GRAMD4: variants seen among roughly 807,000 people sequenced by gnomAD.
The protein encoded by GRAMD4 is GRAM domain containing 4.
In GRAMD4, 25 loss-of-function variants were observed where a neutral mutation model predicts 83.9. The observed-to-expected ratio is 0.30, with a 90% CI of 0.22 to 0.42. The LOEUF (loss-of-function observed/expected upper bound fraction) is 0.42. Ranked by LOEUF, GRAMD4 falls within the 10% of genes least tolerant of loss-of-function variation. GRAMD4 has a pLI of 1.00. For missense variants in GRAMD4, 593 were observed against 788.7 expected, an observed-to-expected ratio of 0.75 and a Z score of 2.97; for synonymous variants, 336 against 320.9, an observed-to-expected ratio of 1.05 and a Z score of -0.50.
At chr22:46,619,085 G>A (rs1043117480), upstream of GRAMD4, among the ~76,000 whole-genome samples, 3 of 152,242 alleles carry the variant, frequency 2.0e-5, no homozygotes, top group Admixed American at 1.3e-4. Context: ...TGAATCCAGG[G>A]AGGGGATGAA....
chr22:46,669,713 C>A (rs538051263), intron 13 of GRAMD4, among the ~76,000 whole-genome samples: 13 of 151,898 alleles, frequency 8.6e-5, no homozygotes, highest in South Asian at 2.1e-4. Context: ...GTAGCTGGGA[C>A]TACAGGCACC....
At chr22:46,662,978 G>A (rs950630507) in intron 5 of GRAMD4, 62 bp from the exon 6 acceptor site, 27 of 1,500,018 alleles carry the variant, frequency 1.8e-5, no homozygotes, top group Middle Eastern at 4.7e-4. Context: ...AGATCCCGGA[G>A]CCGACCCCAG....
rs1009610480 is a variant in GRAMD4 at position 46,621,991 on chromosome 22, C to T, written c.-50+1426C>T. Among the ~76,000 whole-genome samples the T allele has an allele frequency of 1.3e-5, 2 of 152,152 alleles. No homozygotes were observed. The highest frequency in any genetic ancestry group is 1.9e-4 in the East Asian group (1 of 5,194). On this transcript the variant is annotated intron_variant, in intron 1 of 18. Transcript: ENST00000406902. The surrounding 1 kb of genome is among the most constrained non-coding windows in gnomAD (Gnocchi z 5.8). Reference sequence around the variant, plus strand: ...ATGTGTGGACGCCCTCCCCAAGGGCCGCTGTGAACCATCCAGCAGGATGAC... The same window carrying T: ...ATGTGTGGACGCCCTCCCCAAGGGCTGCTGTGAACCATCCAGCAGGATGAC...
chr22:46,630,817 G>T (rs1300675338), intron 2 of GRAMD4, among the ~76,000 whole-genome samples: 1 of 152,252 alleles, frequency 6.6e-6, no homozygotes, highest in African/African-American at 2.4e-5. Flanking sequence ...GCTGGACCGA[G>T]TGTGCCTGTG....
At chr22:46,656,069 G>C (rs577087632) in intron 3 of GRAMD4, among the ~76,000 whole-genome samples, 1 of 152,106 alleles carries the variant, frequency 6.6e-6, no homozygotes, top group Non-Finnish European at 1.5e-5. Context: ...CAGCCTCCAC[G>C]GGGAGGGTCT....
chr22:46,577,429 G>A (rs1352684844), intron 1 of GRAMD4: 8 of 314,188 alleles, frequency 2.5e-5, no homozygotes, highest in Non-Finnish European at 3.6e-5. Flanking sequence ...GGCCCGAGCC[G>A]GCGACCCTCC....
intron 14 of GRAMD4, 49 bp downstream of exon 14, chr22:46,673,046 G>C (rs975164532): frequency 6.8e-7 from 1 of 1,470,826 alleles, no homozygotes; most frequent in Admixed American, 2.1e-5. Flanking sequence ...GGGCCACGAA[G>C]CCGGGCATCC....
At chr22:46,585,759 G>A (rs1206306186) in intron 1 of GRAMD4, among the ~76,000 whole-genome samples, 1 of 152,230 alleles carries the variant, frequency 6.6e-6, no homozygotes, top group African/African-American at 2.4e-5. Flanking sequence ...CCCTGCCAGG[G>A]AGGGAGCGAC....
rs1356192110 is a variant in GRAMD4 at position 46,620,799 on chromosome 22, G to T, written c.-50+234G>T. ...CAGGGGTCCAGTGAGGAAGGGTGGA[G>T]GCCTCCTGAGAACCTGGCCTGGTCA... On this transcript the variant is annotated intron_variant, in intron 1 of 18. Transcript: ENST00000406902. The surrounding 1 kb of genome is among the most constrained non-coding windows in gnomAD (Gnocchi z 4.7). 6.6e-6 allele frequency among the ~76,000 whole-genome samples: 1 copy of T among 152,184 alleles called. No homozygotes were observed. The highest frequency in any genetic ancestry group is 1.9e-4 in the East Asian group (1 of 5,194).
intron 2 of GRAMD4, among the ~76,000 whole-genome samples, chr22:46,627,574 C>T (rs1433910786): frequency 6.6e-6 from 1 of 152,156 alleles, no homozygotes; most frequent in Non-Finnish European, 1.5e-5. Flanking sequence ...TGGGGCAGGG[C>T]CCGAAGCATG....
In GRAMD4 at chr22:46,663,097, G is replaced by T; in HGVS notation, c.524G>T (p.Gly175Val). 6.2e-7 allele frequency: 1 copy of T among 1,612,250 alleles called. No homozygotes were observed. The highest frequency in any genetic ancestry group is 8.5e-7 in the Non-Finnish European group (1 of 1,179,424). Residue 175 changes from glycine (G) to valine (V), a missense_variant, in exon 6 of 19, where the codon GGG (glycine) becomes GTG (valine). Gly to Val is a moderately radical substitution (Grantham distance 109). Transcript: ENST00000406902. The part of the protein sequence containing the change: ...RLQKWFYERF[G>V]EYVEDFRFQP... ...CAGAAGTGGTTCTACGAGCGGTTTGGGGAGTACGTGGAGGACTTCCGGTTC... is the reference window on the plus strand; with the variant it reads ...CAGAAGTGGTTCTACGAGCGGTTTGTGGAGTACGTGGAGGACTTCCGGTTC...
chr22:46,658,141 C>G (rs199751916), intron 3 of GRAMD4, 46 bp from the exon 4 acceptor site: 185 of 1,611,494 alleles, frequency 1.1e-4, no homozygotes, highest in Non-Finnish European at 1.5e-4. Flanking sequence ...GAGTCGGGGT[C>G]GCGTGGACAT....
intron 1 of GRAMD4, among the ~76,000 whole-genome samples, chr22:46,595,794 C>T (rs1489388846): frequency 2.0e-5 from 3 of 152,246 alleles, no homozygotes; most frequent in Admixed American, 6.5e-5. Context: ...GGCAGGTGAG[C>T]ACCCCATCTG....
Position 46,664,016 on chromosome 22 carries a change from C to T in GRAMD4, c.626-10C>T. On this transcript the variant is annotated splice_polypyrimidine_tract_variant and intron_variant, in intron 7 of 18. Transcript: ENST00000406902. Reference sequence around the variant, plus strand: ...ACAGTGCTGACCACTGTGGTCTGCTCTGTCCCCAGAGCGCGGTGCCAAGCC... The same window carrying T: ...ACAGTGCTGACCACTGTGGTCTGCTTTGTCCCCAGAGCGCGGTGCCAAGCC... 6.2e-7 allele frequency: 1 copy of T among 1,610,476 alleles called. No homozygotes were observed. Among genetic ancestry groups the T allele is most frequent in the South Asian group, 1.1e-5 (1 of 91,018 alleles).
At chr22:46,668,251 G>T in intron 11 of GRAMD4, 84 bp downstream of exon 11, 2 of 918,942 alleles carry the variant, frequency 2.2e-6, no homozygotes, top group Non-Finnish European at 3.5e-6. Flanking sequence ...GCCAGGGGTA[G>T]GTCTCCGCCG....
rs71192425 is a variant in GRAMD4, at chr22:46,603,515, C to CTTTT, written c.-49-23220_-49-23217dup. Among the ~76,000 whole-genome samples, 64 of 81,584 alleles carry CTTTT rather than the reference C, an allele frequency of 7.8e-4. 2 individuals are homozygous for CTTTT. The highest frequency in any genetic ancestry group is 2.8e-3 in the African/African-American group (64 of 22,688). The allele number at this position is 81,584 out of a possible 152,430, so 53.5% of individuals were successfully genotyped here. A position where few individuals can be genotyped will look rare whatever the true frequency, so the allele number is the denominator to read the frequency against. ...TGAGCCACCGCGCCCGGCCTCTTCT[C>CTTTT]TTTTTTTTTTTTTTTTTTTGAGATG... On this transcript the variant is annotated intron_variant, in intron 1 of 1. Transcript: ENST00000431155.
chr22:46,600,569 G>T (rs1347863820), intron 1 of GRAMD4, among the ~76,000 whole-genome samples: 1 of 152,204 alleles, frequency 6.6e-6, no homozygotes, highest in Non-Finnish European at 1.5e-5. Flanking sequence ...GATGCTGAGT[G>T]GGGGAAGCAC....
chr22:46,631,162 A>G (rs1362570221), intron 2 of GRAMD4, among the ~76,000 whole-genome samples: 1 of 152,246 alleles, frequency 6.6e-6, no homozygotes, highest in African/African-American at 2.4e-5. Flanking sequence ...AAATACACAG[A>G]GCATTGAATG....
intron 1 of GRAMD4, among the ~76,000 whole-genome samples, chr22:46,592,673 G>A (rs1004217933): frequency 6.6e-6 from 1 of 152,088 alleles, no homozygotes; most frequent in Non-Finnish European, 1.5e-5. Context: ...GGAATTCTGC[G>A]GCCCACATGT....
Sources: allele counts gnomAD v4.1 joint callset (sites outside exome capture counted in the v4.1 genomes callset), GRCh38; gene constraint gnomAD v4.1.1; non-coding constraint Gnocchi (gnomAD v3.1); transcripts MANE v1.5; gene names NCBI Gene and HGNC (gene_info 2026-07-23, HGNC 2026-07-21).